Variants in MRPS9 observed in about 807,000 individuals in gnomAD.
The protein encoded by MRPS9 is mitochondrial ribosomal protein S9.
In MRPS9, 45 loss-of-function variants were observed where a neutral mutation model predicts 59.9. That is an observed-to-expected ratio of 0.75 (90% CI 0.59 to 0.96). MRPS9 has a LOEUF of 0.96. Ranked by LOEUF, MRPS9 falls within the 40% of genes least tolerant of loss-of-function variation. The probability of loss-of-function intolerance (pLI) is 0.00; values close to 1 mark genes in which losing one functional copy is unlikely to be tolerated. For synonymous variants in MRPS9, 171 were observed against 166.8 expected (o/e 1.03, Z -0.19); for missense variants, 473 against 481.1 (o/e 0.98, Z 0.16).
At chr2:105,069,230 T>TC (rs1680061669) in intron 2 of MRPS9, among the ~76,000 whole-genome samples, 2 of 151,612 alleles carry the variant, frequency 1.3e-5, no homozygotes, top group Non-Finnish European at 2.9e-5. Flanking sequence ...TTTTTTTTTT[T>TC]TTGAGACAGA....
intron 4 of MRPS9, among the ~76,000 whole-genome samples, chr2:105,078,902 G>A (rs549795613): frequency 6.6e-6 from 1 of 152,226 alleles, no homozygotes; most frequent in South Asian, 2.1e-4. Context: ...AAGCCTTAAA[G>A]CATGTTTCCT....
At chr2:105,039,313 ATTTG>A (rs994578372) in intron 1 of MRPS9, among the ~76,000 whole-genome samples, 7 of 122,904 alleles carry the variant, frequency 5.7e-5, no homozygotes, top group African/African-American at 2.1e-4. Flanking sequence ...TCATGTGGAC[ATTTG>A]TTTTTTTTTT....
rs188455310 is a variant in MRPS9 at position 105,079,005 on chromosome 2, A to C, written c.410-978A>C. On this transcript the variant is annotated intron_variant, in intron 4 of 10. Coordinates refer to ENST00000258455, the MANE Select transcript of MRPS9 (RefSeq NM_182640.3). The stretch of plus-strand genomic sequence containing the variant: ...AGTGGGCCACAGTATACTTCAGCAG[A>C]TGTGTAGTGTATCTGTGGTATTAAC... 2.0e-3 allele frequency among the ~76,000 whole-genome samples: 302 copies of C among 152,218 alleles called. 1 individual carries two copies. Among genetic ancestry groups the C allele is most frequent in the African/African-American group, 6.9e-3 (286 of 41,536 alleles).
intron 1 of MRPS9, among the ~76,000 whole-genome samples, chr2:105,045,932 T>C (rs1295242951): frequency 1.3e-5 from 2 of 152,090 alleles, no homozygotes; most frequent in Non-Finnish European, 2.9e-5. Context: ...TGGTGCGATC[T>C]TGGCTAACTG....
intron 4 of MRPS9, among the ~76,000 whole-genome samples, chr2:105,074,538 G>A (rs1345377919): frequency 2.0e-5 from 3 of 152,218 alleles, no homozygotes; most frequent in Non-Finnish European, 4.4e-5. Context: ...ATAGTTCTAA[G>A]TGCTTCCTGT....
At position 105,039,098 on chromosome 2, in the gene MRPS9, G is replaced by T. The variant is rs138247796; in HGVS notation, c.135+871G>T. 9.5e-3 allele frequency among the ~76,000 whole-genome samples: 1,443 copies of T among 151,738 alleles called. 36 individuals are homozygous for T. Among genetic ancestry groups the T allele is most frequent in the Non-Finnish European group, 8.0e-3 (542 of 67,926 alleles). ...AGGCCTCAAGAGATTGAGAATGAGG[G>T]ACCAAAGAAGCAGGAGAGAAACCAG... On this transcript the variant is annotated intron_variant, in intron 1 of 10. Transcript: ENST00000258455.
Position 105,049,179 on chromosome 2 carries a change from G to A in MRPS9, c.144G>A (p.Arg48=), listed in dbSNP as rs770002408. ...TCTATATTTTCTGTTAGATATTAAGGCTAAGACATACTGCATTTGTAATAC... is the reference window on the plus strand; with the variant it reads ...TCTATATTTTCTGTTAGATATTAAGACTAAGACATACTGCATTTGTAATAC... ...LQTNVRSQIL[R]LRHTAFVIPK... The change falls in exon 2 of 11, where the codon AGG becomes AGA. Residue 48 remains arginine (R), a synonymous_variant. Transcript: ENST00000258455. The A allele has an allele frequency of 1.3e-6, 2 of 1,596,584 alleles. No homozygotes were observed. Among genetic ancestry groups the A allele is most frequent in the African/African-American group, 1.4e-5 (1 of 73,980 alleles).
chr2:105,046,010 G>A (rs754084028), intron 1 of MRPS9, among the ~76,000 whole-genome samples: 7 of 151,934 alleles, frequency 4.6e-5, no homozygotes, highest in East Asian at 3.9e-4. Flanking sequence ...TATTACAGGC[G>A]CACACCACCA....
intron 1 of MRPS9, among the ~76,000 whole-genome samples, chr2:105,039,523 T>C (rs558422903): frequency 1.3e-5 from 2 of 152,344 alleles, no homozygotes; most frequent in South Asian, 4.1e-4. Context: ...TTTTTCCATG[T>C]TCTTATAATC....
At chr2:105,092,623 A>T (rs901314510) in intron 8 of MRPS9, 54 bp downstream of exon 8, 1 of 1,341,342 alleles carries the variant, frequency 7.5e-7, no homozygotes, top group South Asian at 1.8e-5. Flanking sequence ...AAAAACTACA[A>T]TTATTTTTAT....
chr2:105,086,493 G>A (rs552560076), intron 5 of MRPS9, among the ~76,000 whole-genome samples: 2 of 152,184 alleles, frequency 1.3e-5, no homozygotes, highest in Non-Finnish European at 2.9e-5. Flanking sequence ...GGAAATGACA[G>A]CCTATACTTT....
chr2:105,089,217 G>T, intron 6 of MRPS9, 148 bp downstream of exon 6: 4 of 531,322 alleles, frequency 7.5e-6, no homozygotes, highest in Non-Finnish European at 1.3e-5. Flanking sequence ...ATAATAGATA[G>T]TTTTTGTTTA....
rs371548384 is a variant in MRPS9, at chr2:105,039,510, T to C, written c.135+1283T>C. On this transcript the variant is annotated intron_variant, in intron 1 of 10. Coordinates refer to ENST00000258455, the MANE Select transcript of MRPS9 (RefSeq NM_182640.3). Reference sequence around the variant, plus strand: ...GTCCCTCCTGGTATCTATTCTTCTATGTTTTTTCCATGTTCTTATAATCAT... The same window carrying C: ...GTCCCTCCTGGTATCTATTCTTCTACGTTTTTTCCATGTTCTTATAATCAT... 8.3e-4 allele frequency among the ~76,000 whole-genome samples: 127 copies of C among 152,364 alleles called. 1 individual carries two copies. Among genetic ancestry groups the C allele is most frequent in the African/African-American group, 2.9e-3 (122 of 41,588 alleles).
Position 105,066,311 on chromosome 2 carries a change from ATTTACT to A in MRPS9, c.316-4997_316-4992del, listed in dbSNP as rs946571378. 7.2e-4 allele frequency among the ~76,000 whole-genome samples: 109 copies of A among 152,314 alleles called. 1 individual carries two copies. Among genetic ancestry groups the A allele is most frequent in the African/African-American group, 2.5e-3 (106 of 41,574 alleles). On this transcript the variant is annotated intron_variant, in intron 2 of 10. Coordinates refer to ENST00000258455, the MANE Select transcript of MRPS9 (RefSeq NM_182640.3). ...ATTATAAATTAATAAGTGTGTATTA[ATTTACT>A]TTTAGCTGAGAAAAATTTTTAAAGG...
chr2:105,086,177 G>A (rs952051741), intron 5 of MRPS9, among the ~76,000 whole-genome samples: 6 of 152,152 alleles, frequency 3.9e-5, no homozygotes, highest in South Asian at 4.1e-4. Flanking sequence ...TGCTAAGTAC[G>A]TACTTTACAT....
At chr2:105,080,125 A>G (rs1680301184) in intron 5 of MRPS9, 63 bp downstream of exon 5, 1 of 1,196,444 alleles carries the variant, frequency 8.4e-7, no homozygotes. Flanking sequence ...ATTATACTGG[A>G]TACTGTTCGC....
rs767998975 is a variant in MRPS9, at chr2:105,099,858, C to T, written c.*97C>T. 3 of 966,162 alleles carry T rather than the reference C, an allele frequency of 3.1e-6. No homozygotes were observed. Among genetic ancestry groups the T allele is most frequent in the Non-Finnish European group, 4.6e-6 (3 of 658,936 alleles). 59.8% of individuals were successfully genotyped at this position (966,162 alleles called of 1,614,324 possible). On this transcript the variant is annotated 3_prime_UTR_variant, in exon 11 of 11. Transcript: ENST00000258455. ...ATGGCTGACCAGCATGAGGGCAGTA[C>T]TGTCAGAAATTTCTTTGAGCTGTGA...
intron 2 of MRPS9, among the ~76,000 whole-genome samples, chr2:105,069,093 G>A (rs1482380313): frequency 1.3e-5 from 2 of 152,034 alleles, no homozygotes; most frequent in Admixed American, 6.5e-5. Flanking sequence ...ACAGTGTGCT[G>A]TCAGACTTTT....
At chr2:105,038,475 C>T (rs1179678761) in intron 1 of MRPS9, 2 of 499,450 alleles carry the variant, frequency 4.0e-6, no homozygotes, top group Non-Finnish European at 7.2e-6. Context: ...AGTGGAGCGA[C>T]CTCCTCCTTC....
Sources: allele counts gnomAD v4.1 joint callset (sites outside exome capture counted in the v4.1 genomes callset), GRCh38; gene constraint gnomAD v4.1.1; transcripts MANE v1.5; gene names NCBI Gene and HGNC (gene_info 2026-07-23, HGNC 2026-07-21).